The following PLCXD3 variants were observed in gnomAD, a reference collection of about 807,000 sequenced individuals.
PLCXD3 encodes the protein PI-PLC X domain-containing protein 3.
In PLCXD3, 19 loss-of-function variants were observed where a neutral mutation model predicts 25.5. The observed-to-expected ratio is 0.75, with a 90% CI of 0.52 to 1.09. The LOEUF is 1.09. PLCXD3 is among the 50% of genes least tolerant of loss of function. PLCXD3 has a pLI of 0.00. For synonymous variants in PLCXD3, 174 were observed against 137.6 expected (o/e 1.26, Z -1.85); for missense variants, 411 against 388.1 (o/e 1.06, Z -0.50).
At chr5:41,400,683 A>G (rs527919912) in intron 1 of PLCXD3, among the ~76,000 whole-genome samples, 2 of 152,066 alleles carry the variant, frequency 1.3e-5, no homozygotes, top group African/African-American at 2.4e-5. Flanking sequence ...TGGTTACCAG[A>G]AGCTGGGAAG....
At chr5:41,486,094 A>G (rs1426999603) in intron 1 of PLCXD3, among the ~76,000 whole-genome samples, 1 of 152,138 alleles carries the variant, frequency 6.6e-6, no homozygotes, top group Non-Finnish European at 1.5e-5. Context: ...GGATATGAGT[A>G]CAATCCAGGG....
chr5:41,354,079 T>C (rs1328595749), intron 2 of PLCXD3, among the ~76,000 whole-genome samples: 1 of 152,194 alleles, frequency 6.6e-6, no homozygotes, highest in African/African-American at 2.4e-5. Context: ...TTGCAACCAC[T>C]TTTCTTCTGC....
chr5:41,440,711 T>C (rs1409265500), intron 1 of PLCXD3, among the ~76,000 whole-genome samples: 1 of 151,904 alleles, frequency 6.6e-6, no homozygotes, highest in Non-Finnish European at 1.5e-5. Context: ...TTGGACCCTT[T>C]TCTGATAACA....
intron 1 of PLCXD3, among the ~76,000 whole-genome samples, chr5:41,437,078 C>A (rs531766954): frequency 6.6e-6 from 1 of 152,206 alleles, no homozygotes; most frequent in Non-Finnish European, 1.5e-5. Flanking sequence ...CCCATTCTCA[C>A]ATTAAAGACT....
chr5:41,368,314 G>A lies in PLCXD3; in HGVS notation c.812+13512C>T, dbSNP rs543356534. ...TGGTTCATTCATAATTTGGCATAGA[G>A]CCAAATTCACTATGAGCTACTTGCC... On this transcript the variant is annotated intron_variant, in intron 2 of 2. Transcript: ENST00000377801. 7.9e-4 allele frequency among the ~76,000 whole-genome samples: 120 copies of A among 152,162 alleles called. 1 individual carries two copies. Among genetic ancestry groups the A allele is most frequent in the South Asian group, 7.3e-3 (35 of 4,824 alleles).
intron 1 of PLCXD3, among the ~76,000 whole-genome samples, chr5:41,479,727 G>A (rs1016719602): frequency 1.3e-5 from 2 of 149,698 alleles, no homozygotes; most frequent in Admixed American, 6.6e-5. Context: ...GAGAGAGAGA[G>A]AAAGAGAGAG....
chr5:41,386,606 T>G (rs1745643759), intron 1 of PLCXD3, among the ~76,000 whole-genome samples: 1 of 152,052 alleles, frequency 6.6e-6, no homozygotes. Flanking sequence ...TGGCTCTTAG[T>G]TAATTAAAGA....
chr5:41,333,783 C>T (rs778759100), intron 2 of PLCXD3, among the ~76,000 whole-genome samples: 1 of 152,130 alleles, frequency 6.6e-6, no homozygotes, highest in East Asian at 1.9e-4. Flanking sequence ...CTATGTCCTT[C>T]ATTATGTATT....
rs956209242 is a variant in PLCXD3, at chr5:41,310,982, C to T, written c.*2635G>A. On this transcript the variant is annotated 3_prime_UTR_variant, in exon 3 of 3. Transcript: ENST00000377801. Reference sequence around the variant, plus strand: ...TTGTTTTTTTCCAGAACCCAGTTGACAAATAGGACAAAGTTAATTCTAAGC... The same window carrying T: ...TTGTTTTTTTCCAGAACCCAGTTGATAAATAGGACAAAGTTAATTCTAAGC... The T allele has an allele frequency of 1.3e-5, 2 of 152,096 alleles. No individual in the cohort carries two copies. The highest frequency in any genetic ancestry group is 2.9e-5 in the Non-Finnish European group (2 of 67,990). 9.4% of individuals were successfully genotyped at this position (152,096 alleles called of 1,614,324 possible).
At chr5:41,467,792 C>T (rs938876568) in intron 1 of PLCXD3, among the ~76,000 whole-genome samples, 6 of 151,950 alleles carry the variant, frequency 3.9e-5, no homozygotes, top group African/African-American at 7.3e-5. Flanking sequence ...TCAGTTTTCC[C>T]GACACCATTA....
intron 1 of PLCXD3, among the ~76,000 whole-genome samples, chr5:41,477,067 G>A (rs190231442): frequency 1.3e-5 from 2 of 152,088 alleles, no homozygotes; most frequent in Admixed American, 6.5e-5. Context: ...TGTTTTTCTA[G>A]CCCTGTGATC....
intron 1 of PLCXD3, among the ~76,000 whole-genome samples, chr5:41,458,223 T>A (rs1409525724): frequency 6.6e-6 from 1 of 151,868 alleles, no homozygotes. Context: ...CAGATTCATG[T>A]ATGACTCAAA....
At chr5:41,422,844 G>A (rs974556810) in intron 1 of PLCXD3, among the ~76,000 whole-genome samples, 2 of 152,166 alleles carry the variant, frequency 1.3e-5, no homozygotes, top group East Asian at 1.9e-4. Flanking sequence ...CTCCAACCCA[G>A]TGCTAAATAG....
intron 1 of PLCXD3, among the ~76,000 whole-genome samples, chr5:41,462,467 A>G (rs1270769788): frequency 6.6e-6 from 1 of 152,046 alleles, no homozygotes; most frequent in Non-Finnish European, 1.5e-5. Context: ...ACTTATTTTC[A>G]TATAAGTATT....
intron 1 of PLCXD3, among the ~76,000 whole-genome samples, chr5:41,452,431 G>A (rs530483477): frequency 5.7e-4 from 87 of 152,056 alleles, no homozygotes; most frequent in Admixed American, 9.2e-4. Flanking sequence ...TTCATCCAGG[G>A]AAGCCCCTAA....
At chr5:41,348,092 A>T (rs78083131) in intron 2 of PLCXD3, among the ~76,000 whole-genome samples, 5,548 of 152,272 alleles carry the variant, frequency 0.036, 341 homozygotes, top group African/African-American at 0.13. Context: ...TTAACATATC[A>T]TGGAATTCCT....
intron 2 of PLCXD3, among the ~76,000 whole-genome samples, chr5:41,366,131 C>A (rs934383274): frequency 6.6e-6 from 1 of 151,978 alleles, no homozygotes; most frequent in African/African-American, 2.4e-5. Flanking sequence ...TGTGATGTTC[C>A]CCACCCTGTG....
rs1428300034 is a variant in PLCXD3, at chr5:41,310,893, T to A, written c.*2724A>T. On this transcript the variant is annotated 3_prime_UTR_variant, in exon 3 of 3. Coordinates refer to ENST00000377801, the MANE Select transcript of PLCXD3 (RefSeq NM_001005473.3). The stretch of plus-strand genomic sequence containing the variant: ...AACAAGGTTTCTGGGTGCATATCAT[T>A]AGCAGCAGTACAAAGCTTTCCCTAG... 3 of 152,564 alleles carry A rather than the reference T, an allele frequency of 2.0e-5. No individual in the cohort carries two copies. The highest frequency in any genetic ancestry group is 4.4e-5 in the Non-Finnish European group (3 of 68,020). 9.5% of individuals were successfully genotyped at this position (152,564 alleles called of 1,614,324 possible). A position where few individuals can be genotyped will look rare whatever the true frequency, so the allele number is the denominator to read the frequency against.
chr5:41,450,663 T>C (rs1747608039), intron 1 of PLCXD3, among the ~76,000 whole-genome samples: 1 of 152,102 alleles, frequency 6.6e-6, no homozygotes, highest in African/African-American at 2.4e-5. Context: ...CTTTACTTGT[T>C]AAGACTGTCT....
Sources: allele counts gnomAD v4.1 joint callset (sites outside exome capture counted in the v4.1 genomes callset), GRCh38; gene constraint gnomAD v4.1.1; transcripts MANE v1.5; gene names NCBI Gene and HGNC (gene_info 2026-07-23, HGNC 2026-07-21).